PLEKHH2: variants seen among roughly 807,000 people sequenced by gnomAD.
PLEKHH2 encodes the protein pleckstrin homology domain-containing family H member 2.
In PLEKHH2, 129 loss-of-function variants were observed where a neutral mutation model predicts 187.9. The ratio of observed to expected loss-of-function variants is 0.69; its 90% CI spans 0.59 to 0.79. The LOEUF (loss-of-function observed/expected upper bound fraction) is 0.79. Among genes scored for constraint, PLEKHH2 ranks in the 30% least tolerant of loss-of-function variants. The probability of loss-of-function intolerance (pLI) is 0.00; values close to 1 mark genes in which losing one functional copy is unlikely to be tolerated. For missense variants in PLEKHH2, 2,076 were observed against 1,751.2 expected, an observed-to-expected ratio of 1.19 and a Z score of -3.31; for synonymous variants, 686 against 605.6, an observed-to-expected ratio of 1.13 and a Z score of -1.95.
rs1672588577 is a variant in PLEKHH2, at chr2:43,765,526, C to T, written c.4410C>T (p.Pro1470=). The change falls in exon 30 of 30, where the codon CCC becomes CCT. Residue 1470 remains proline, a synonymous_variant. Coordinates refer to ENST00000282406, the MANE Select transcript of PLEKHH2 (RefSeq NM_172069.4). ...TGCTCTCAGCCCAGACCCGGGGACCCCAAGCCAGAATGATGGGAAGCCAGC... is the reference window on the plus strand; with the variant it reads ...TGCTCTCAGCCCAGACCCGGGGACCTCAAGCCAGAATGATGGGAAGCCAGC... The part of the protein sequence containing the change: ...PALLSAQTRG[P]QARMMGSQPL... 6.2e-7 allele frequency: 1 copy of T among 1,614,060 alleles called. No homozygotes were observed. Among genetic ancestry groups the T allele is most frequent in the East Asian group, 2.2e-5 (1 of 44,876 alleles).
intron 3 of PLEKHH2, among the ~76,000 whole-genome samples, chr2:43,689,925 T>G (rs1432060482): frequency 6.6e-6 from 1 of 152,222 alleles, no homozygotes; most frequent in East Asian, 1.9e-4. Context: ...CTATTTTATG[T>G]GGCAACCCAA....
intron 27 of PLEKHH2, among the ~76,000 whole-genome samples, chr2:43,760,102 T>C (rs1672363892): frequency 6.6e-6 from 1 of 152,178 alleles, no homozygotes; most frequent in Admixed American, 6.5e-5. Flanking sequence ...AGGAATAGAT[T>C]TGAACTGTAG....
chr2:43,741,539 G>A (rs1001077823), intron 21 of PLEKHH2, among the ~76,000 whole-genome samples: 2 of 152,156 alleles, frequency 1.3e-5, no homozygotes, highest in South Asian at 4.1e-4. Flanking sequence ...TTGGGACCCA[G>A]GTCACTCAGC....
At chr2:43,638,283 A>T (rs565617972) in intron 1 of PLEKHH2, among the ~76,000 whole-genome samples, 1 of 149,236 alleles carries the variant, frequency 6.7e-6, no homozygotes, top group Admixed American at 6.7e-5. Context: ...ACACACACAC[A>T]CACACTCACA....
chr2:43,699,568 G>C lies in PLEKHH2; in HGVS notation c.689-79G>C, dbSNP rs1669252157. ...AATTTCTACAGTGTCAATTTCTACAGTGTAGCTACATAAAGCTAAATGTAC... is the reference window on the plus strand; with the variant it reads ...AATTTCTACAGTGTCAATTTCTACACTGTAGCTACATAAAGCTAAATGTAC... On this transcript the variant is annotated intron_variant, in intron 7 of 29. Coordinates refer to ENST00000282406, the MANE Select transcript of PLEKHH2 (RefSeq NM_172069.4). 1.0e-5 allele frequency: 15 copies of C among 1,489,642 alleles called. No individual in the cohort carries two copies. In the Admixed American group the frequency reaches 3.1e-4, roughly 31 times the overall value. 92.3% of individuals were successfully genotyped at this position (1,489,642 alleles called of 1,614,324 possible).
At chr2:43,699,060 T>C (rs1669229370) in intron 7 of PLEKHH2, among the ~76,000 whole-genome samples, 1 of 152,174 alleles carries the variant, frequency 6.6e-6, no homozygotes, top group South Asian at 2.1e-4. Flanking sequence ...CATTATAATC[T>C]AAATATTTAG....
At chr2:43,756,419 A>T (rs963623737) in intron 25 of PLEKHH2, among the ~76,000 whole-genome samples, 34 of 152,098 alleles carry the variant, frequency 2.2e-4, no homozygotes, top group African/African-American at 8.0e-4. Context: ...CAGCCTCCCG[A>T]GTAGCTGGGA....
rs540189553 is a variant in PLEKHH2, at chr2:43,639,767, C to T, written c.-4+2388C>T. On this transcript the variant is annotated intron_variant, in intron 1 of 29. Coordinates refer to ENST00000282406, the MANE Select transcript of PLEKHH2 (RefSeq NM_172069.4). ...TGCCTCCTGGGTTAAAGCAATTCTCCTGTCTCAGCCTCCCTAGTAGCTGGA... is the reference window on the plus strand; with the variant it reads ...TGCCTCCTGGGTTAAAGCAATTCTCTTGTCTCAGCCTCCCTAGTAGCTGGA... Among the ~76,000 whole-genome samples the T allele has an allele frequency of 4.6e-5, 7 of 150,776 alleles. No homozygotes were observed. The Middle Eastern group carries it at 0.017, about 374-fold the overall frequency.
chr2:43,669,782 C>G (rs1311261583), intron 2 of PLEKHH2, among the ~76,000 whole-genome samples: 1 of 152,032 alleles, frequency 6.6e-6, no homozygotes, highest in Non-Finnish European at 1.5e-5. Flanking sequence ...TCTCAGTTCA[C>G]TGCAACCTCT....
intron 3 of PLEKHH2, among the ~76,000 whole-genome samples, chr2:43,682,141 G>T (rs1007934509): frequency 6.6e-6 from 1 of 152,086 alleles, no homozygotes; most frequent in African/African-American, 2.4e-5. Context: ...ATACTAATCT[G>T]AAACCAAACA....
intron 15 of PLEKHH2, among the ~76,000 whole-genome samples, chr2:43,716,239 A>G (rs1478295165): frequency 6.6e-6 from 1 of 152,152 alleles, no homozygotes; most frequent in African/African-American, 2.4e-5. Flanking sequence ...GATTAAAGAC[A>G]AAGTCCAGAA....
chr2:43,755,237 C>G (rs1015556430), intron 25 of PLEKHH2, among the ~76,000 whole-genome samples: 1 of 152,116 alleles, frequency 6.6e-6, no homozygotes, highest in Non-Finnish European at 1.5e-5. Context: ...TCTGTCTCCT[C>G]TTTATGATAC....
intron 16 of PLEKHH2, among the ~76,000 whole-genome samples, chr2:43,722,235 G>A (rs913172291): frequency 2.1e-5 from 3 of 145,346 alleles, no homozygotes; most frequent in East Asian, 3.9e-4. Flanking sequence ...CAGCCTGGGC[G>A]ACAGAGTGAG....
chr2:43,658,480 G>T (rs549587692), intron 2 of PLEKHH2, among the ~76,000 whole-genome samples: 2 of 152,278 alleles, frequency 1.3e-5, no homozygotes, highest in African/African-American at 4.8e-5. Context: ...TTAGAAATTT[G>T]GAAGCAACTT....
chr2:43,753,774 T>C lies in PLEKHH2; in HGVS notation c.3795+14T>C, dbSNP rs372909567. The C allele has an allele frequency of 1.3e-6, 2 of 1,540,992 alleles. No homozygotes were observed. The highest frequency in any genetic ancestry group is 1.8e-6 in the Non-Finnish European group (2 of 1,141,938). On this transcript the variant is annotated intron_variant, in intron 25 of 29. Coordinates refer to ENST00000282406, the MANE Select transcript of PLEKHH2 (RefSeq NM_172069.4). ...CTTTTATCTCAGGTAACTTCCATGT[T>C]ATATGGAGTAATATATTGAAATAAT...
At chr2:43,701,983 G>A (rs1176458988) in intron 8 of PLEKHH2, among the ~76,000 whole-genome samples, 2 of 152,120 alleles carry the variant, frequency 1.3e-5, no homozygotes. Context: ...TGGCCAGGCT[G>A]GTCTTGAATG....
intron 2 of PLEKHH2, among the ~76,000 whole-genome samples, chr2:43,678,334 G>A (rs1040768798): frequency 3.9e-5 from 6 of 152,106 alleles, no homozygotes; most frequent in African/African-American, 9.7e-5. Context: ...CTGCAATCTC[G>A]GCACTTTGGG....
chr2:43,700,073 C>G lies in PLEKHH2; in HGVS notation c.1115C>G (p.Ser372Cys), dbSNP rs1669281836. 1.2e-6 allele frequency: 2 copies of G among 1,614,004 alleles called. No homozygotes were observed. Among genetic ancestry groups the G allele is most frequent in the Non-Finnish European group, 1.7e-6 (2 of 1,180,026 alleles). Residue 372 changes from serine to cysteine, a missense_variant, in exon 8 of 30, where the codon TCT (serine) becomes TGT (cysteine). Coordinates refer to ENST00000282406, the MANE Select transcript of PLEKHH2 (RefSeq NM_172069.4). ...AATAGTCCTCTTGGAAAGGGAAATT[C>G]TGAATTAAGTAAAAAGGAACAAGAT... ...ALNSPLGKGN[S>C]ELSKKEQDSS...
In PLEKHH2 at chr2:43,700,012, T is replaced by C. The variant is rs762707901; in HGVS notation, c.1054T>C (p.Tyr352His). ...AAAGAGACCAGAACACAAGAAGCTATATTCTTGGCAGCAGGAGGCACAGTG... is the reference window on the plus strand; with the variant it reads ...AAAGAGACCAGAACACAAGAAGCTACATTCTTGGCAGCAGGAGGCACAGTG... ...GIKRPEHKKL[Y>H]SWQQEAQWKA... is the part of the protein sequence containing the mutation. Residue 352 changes from tyrosine (Y) to histidine (H), a missense_variant, in exon 8 of 30, where the codon TAT (tyrosine) becomes CAT (histidine). Coordinates refer to ENST00000282406, the MANE Select transcript of PLEKHH2 (RefSeq NM_172069.4). The C allele has an allele frequency of 1.9e-6, 3 of 1,614,178 alleles. No individual in the cohort carries two copies. Among genetic ancestry groups the C allele is most frequent in the Admixed American group, 3.3e-5 (2 of 60,024 alleles).
Sources: gnomAD v4.1 joint callset for allele counts (sites outside exome capture counted in the v4.1 genomes callset) on GRCh38, gnomAD v4.1.1 for gene constraint, MANE v1.5 for transcripts, NCBI Gene and HGNC (gene_info 2026-07-23, HGNC 2026-07-21) for gene names.